AUTS2: variants seen among roughly 807,000 people sequenced by gnomAD.
The protein encoded by AUTS2 is autism susceptibility gene 2 protein.
AUTS2 carries 17 observed loss-of-function variants against 112.4 expected under a neutral mutation model. The observed-to-expected ratio is 0.15, with a 90% CI of 0.10 to 0.23. AUTS2 has a LOEUF of 0.23. AUTS2 is among the 10% of genes least tolerant of loss of function. AUTS2 has a pLI of 1.00. For missense variants in AUTS2, 1,510 were observed against 1,701.6 expected, an observed-to-expected ratio of 0.89 and a Z score of 1.98; for synonymous variants, 751 against 702.7, an observed-to-expected ratio of 1.07 and a Z score of -1.09.
At chr7:70,726,734 G>A (rs1226659927) in intron 6 of AUTS2, among the ~76,000 whole-genome samples, 1 of 152,140 alleles carries the variant, frequency 6.6e-6, no homozygotes, top group Non-Finnish European at 1.5e-5. Flanking sequence ...CAGTTTAGAG[G>A]ATCATATTGT....
chr7:70,123,141 G>A (rs1411038819), intron 3 of AUTS2, among the ~76,000 whole-genome samples: 3 of 152,048 alleles, frequency 2.0e-5, no homozygotes, highest in African/African-American at 4.8e-5. Context: ...CTTCCAAAGC[G>A]CTGGGATTAC....
chr7:69,975,652 C>T (rs1321063803), intron 2 of AUTS2, among the ~76,000 whole-genome samples: 1 of 151,110 alleles, frequency 6.6e-6, no homozygotes, highest in African/African-American at 2.4e-5. Context: ...TCCACCTGGT[C>T]TTGAGCCCAT....
chr7:70,288,058 A>G (rs914081628), intron 4 of AUTS2, among the ~76,000 whole-genome samples: 1 of 152,018 alleles, frequency 6.6e-6, no homozygotes, highest in Admixed American at 6.6e-5. Flanking sequence ...GGCATGGGGG[A>G]AAAAAACTAA....
intron 1 of AUTS2, among the ~76,000 whole-genome samples, chr7:69,873,418 CTTTT>C (rs36005575): frequency 1.2e-4 from 15 of 125,462 alleles, no homozygotes; most frequent in Non-Finnish European, 1.7e-4. Flanking sequence ...GGGGCTCAGG[CTTTT>C]TTTTTTTTTT....
chr7:70,715,093 A>G (rs1474409216), intron 6 of AUTS2, among the ~76,000 whole-genome samples: 1 of 152,224 alleles, frequency 6.6e-6, no homozygotes, highest in African/African-American at 2.4e-5. Flanking sequence ...TCCCTCATCA[A>G]CTAGAGTTCT....
rs374659246 is a variant in AUTS2, at chr7:70,092,632, C to T, written c.523-25500C>T. Among the ~76,000 whole-genome samples the T allele has an allele frequency of 4.6e-5, 7 of 152,258 alleles. No homozygotes were observed. In the South Asian group the frequency reaches 6.2e-4, roughly 14 times the overall value. Reference sequence around the variant, plus strand: ...TGAGTGAAAGCTGATATTGGAATAACGACTCTGTGGCACAGACATGGGAAT... The same window carrying T: ...TGAGTGAAAGCTGATATTGGAATAATGACTCTGTGGCACAGACATGGGAAT... On this transcript the variant is annotated intron_variant, in intron 2 of 18. Coordinates refer to ENST00000342771, the MANE Select transcript of AUTS2 (RefSeq NM_015570.4).
intron 4 of AUTS2, among the ~76,000 whole-genome samples, chr7:70,382,466 T>C (rs2129632818): frequency 6.6e-6 from 1 of 152,300 alleles, no homozygotes; most frequent in African/African-American, 2.4e-5. Flanking sequence ...TTCATCTGCC[T>C]TTCAAATTAA....
At chr7:69,982,008 T>C (rs1049433478) in intron 2 of AUTS2, among the ~76,000 whole-genome samples, 1 of 152,224 alleles carries the variant, frequency 6.6e-6, no homozygotes, top group Admixed American at 6.5e-5. Flanking sequence ...ATCTTGTTTA[T>C]ATCAGTGTGA....
At chr7:69,828,580 A>G (rs568919736) in intron 1 of AUTS2, among the ~76,000 whole-genome samples, 2 of 152,320 alleles carry the variant, frequency 1.3e-5, no homozygotes, top group African/African-American at 2.4e-5. Flanking sequence ...CCTTCAGTCT[A>G]GTGTATTATA....
At chr7:69,859,560 A>T (rs1447253222) in intron 1 of AUTS2, among the ~76,000 whole-genome samples, 1 of 152,202 alleles carries the variant, frequency 6.6e-6, no homozygotes, top group Non-Finnish European at 1.5e-5. Context: ...ATCTCCATCC[A>T]AAAATAGGCA....
chr7:70,013,579 T>C (rs1367767703), intron 2 of AUTS2, among the ~76,000 whole-genome samples: 1 of 152,194 alleles, frequency 6.6e-6, no homozygotes, highest in African/African-American at 2.4e-5. Context: ...AAGGTGGACA[T>C]AGCTGTGGGG....
At chr7:70,513,435 A>T (rs1799283868) in intron 5 of AUTS2, among the ~76,000 whole-genome samples, 1 of 152,182 alleles carries the variant, frequency 6.6e-6, no homozygotes, top group Admixed American at 6.5e-5. Context: ...AGACCATTCC[A>T]TTAGGAGAGT....
rs572442084 is a variant in AUTS2 at position 70,170,352 on chromosome 7, G to A, written c.660+35781G>A. On this transcript the variant is annotated intron_variant, in intron 4 of 18. Coordinates refer to ENST00000342771, the MANE Select transcript of AUTS2 (RefSeq NM_015570.4). ...ATTTTTGTAGTGTTGGGGCTTCACC[G>A]TGTTGTCAAGGCTGGTCTTGAACTC... Among the ~76,000 whole-genome samples the A allele has an allele frequency of 2.6e-5, 4 of 151,872 alleles. No homozygotes were observed. The South Asian group carries it at 8.3e-4, about 32-fold the overall frequency.
At chr7:70,554,766 C>T (rs556430928) in intron 5 of AUTS2, among the ~76,000 whole-genome samples, 3 of 152,148 alleles carry the variant, frequency 2.0e-5, no homozygotes, top group Non-Finnish European at 4.4e-5. Flanking sequence ...GAAAAGCTGT[C>T]CAGGACCCAG....
At chr7:70,271,261 C>G (rs778493977) in intron 4 of AUTS2, among the ~76,000 whole-genome samples, 1 of 152,178 alleles carries the variant, frequency 6.6e-6, no homozygotes, top group Non-Finnish European at 1.5e-5. Context: ...AAATCTCACA[C>G]TCTTTTCTTC....
intron 1 of AUTS2, among the ~76,000 whole-genome samples, chr7:69,878,631 C>T (rs1195536710): frequency 6.6e-6 from 1 of 152,198 alleles, no homozygotes; most frequent in Non-Finnish European, 1.5e-5. Flanking sequence ...AGCCACATGA[C>T]TCGGAGAGGC....
chr7:70,703,429 G>A (rs1308201236), intron 6 of AUTS2, among the ~76,000 whole-genome samples: 3 of 145,318 alleles, frequency 2.1e-5, no homozygotes, highest in Admixed American at 7.2e-5. Flanking sequence ...CCACAAGGTC[G>A]AGGCTGCAGT....
intron 4 of AUTS2, among the ~76,000 whole-genome samples, chr7:70,229,401 G>A (rs1811930748): frequency 6.6e-6 from 1 of 152,024 alleles, no homozygotes; most frequent in Admixed American, 6.6e-5. Flanking sequence ...ACTGTCTTCT[G>A]CCTTCCATTA....
At chr7:70,191,483 A>C (rs1809889873) in intron 4 of AUTS2, among the ~76,000 whole-genome samples, 1 of 152,024 alleles carries the variant, frequency 6.6e-6, no homozygotes, top group Non-Finnish European at 1.5e-5. Flanking sequence ...CTTATTTCTT[A>C]ATGATGGGAA....
Sources: allele counts gnomAD v4.1 joint callset (sites outside exome capture counted in the v4.1 genomes callset), GRCh38; gene constraint gnomAD v4.1.1; transcripts MANE v1.5; gene names NCBI Gene and HGNC (gene_info 2026-07-23, HGNC 2026-07-21).